The following ANKRD44 variants were observed in gnomAD, a reference collection of about 807,000 sequenced individuals.
ANKRD44 encodes serine/threonine-protein phosphatase 6 regulatory ankyrin repeat subunit B.
ANKRD44 carries 35 observed loss-of-function variants against 116.0 expected under a neutral mutation model. The ratio of observed to expected loss-of-function variants is 0.30; its 90% CI spans 0.23 to 0.40. The LOEUF is 0.40. Among genes scored for constraint, ANKRD44 ranks in the 10% least tolerant of loss-of-function variants. ANKRD44 has a pLI of 1.00. For missense variants in ANKRD44, 1,014 were observed against 1,242.6 expected (o/e 0.82, Z 2.77); for synonymous variants, 435 against 461.8 (o/e 0.94, Z 0.74).
intron 10 of ANKRD44, among the ~76,000 whole-genome samples, chr2:197,093,264 A>C (rs760270508): frequency 1.4e-4 from 21 of 152,198 alleles, no homozygotes; most frequent in Non-Finnish European, 1.5e-4. Context: ...CTCTATAAGA[A>C]ACCAATTGGG....
chr2:197,178,702 A>G (rs1333001895), intron 2 of ANKRD44, among the ~76,000 whole-genome samples: 1 of 152,166 alleles, frequency 6.6e-6, no homozygotes, highest in Non-Finnish European at 1.5e-5. Flanking sequence ...TATCTTTTCT[A>G]TTATGCTTAG....
At position 197,121,421 on chromosome 2, in the gene ANKRD44, A is replaced by G. The variant is rs2078850349; in HGVS notation, c.817T>C (p.Phe273Leu). 1 of 1,614,188 alleles carries G rather than the reference A, an allele frequency of 6.2e-7. No homozygotes were observed. The highest frequency in any genetic ancestry group is 2.2e-5 in the East Asian group (1 of 44,882). ...GCAGCAGCAAAATGCAAAGGGGTGA[A>G]CCCATTATTGTTTGGCTGGTTCACG... ...ANVNQPNNNGFTPLHFAAAST... is the reference protein window; with the variant it reads ...ANVNQPNNNGLTPLHFAAAST... The change falls in exon 8 of 28, where the codon TTC becomes CTC. Residue 273 changes from phenylalanine (F) to leucine (L), a missense_variant. Physicochemically the swap from Phe to Leu is conservative, Grantham distance 22. Transcript: ENST00000282272.
intron 1 of ANKRD44, among the ~76,000 whole-genome samples, chr2:197,276,393 A>G (rs974087673): frequency 2.0e-5 from 3 of 151,926 alleles, no homozygotes; most frequent in Non-Finnish European, 4.4e-5. Context: ...AGACATCTCT[A>G]TAACACACCT....
chr2:197,221,093 A>G (rs2081574974), intron 1 of ANKRD44, among the ~76,000 whole-genome samples: 1 of 152,104 alleles, frequency 6.6e-6, no homozygotes, highest in African/African-American at 2.4e-5. Flanking sequence ...CTACTAAAAA[A>G]TACAAAAACT....
chr2:197,195,137 C>T (rs1224784986), intron 1 of ANKRD44, among the ~76,000 whole-genome samples: 4 of 152,100 alleles, frequency 2.6e-5, no homozygotes, highest in Non-Finnish European at 5.9e-5. Context: ...CACTGTTAAA[C>T]CTGGTGAATT....
intron 1 of ANKRD44, among the ~76,000 whole-genome samples, chr2:197,289,227 C>G (rs1002532773): frequency 2.6e-5 from 4 of 152,120 alleles, no homozygotes; most frequent in Non-Finnish European, 4.4e-5. Flanking sequence ...ACAAACATTA[C>G]TACATAAATA....
rs1295021652 is a variant in ANKRD44 at position 197,025,251 on chromosome 2, T to C, written c.1667A>G (p.Asn556Ser). Residue 556 changes from asparagine to serine, a missense_variant, in exon 17 of 28, where the codon AAC (asparagine) becomes AGC (serine). Physicochemically the swap from Asn to Ser is conservative, Grantham distance 46. Coordinates refer to ENST00000282272, the MANE Select transcript of ANKRD44 (RefSeq NM_001195144.2). ...QCLELLLERT[N>S]SGFEESDSGA... ...AGAATCTGATTCTTCAAATCCACTG[T>C]TTGTTCTTTCCAAAAGCTGTGGAGA... is the stretch of plus-strand genomic sequence containing the variant. 4 of 1,611,486 alleles carry C rather than the reference T, an allele frequency of 2.5e-6. No individual in the cohort carries two copies. Among genetic ancestry groups the C allele is most frequent in the Non-Finnish European group, 3.4e-6 (4 of 1,177,898 alleles).
chr2:197,301,140 A>G (rs970972854), intron 1 of ANKRD44: 2 of 152,204 alleles, frequency 1.3e-5, no homozygotes, highest in African/African-American at 4.8e-5. Flanking sequence ...TCATAAAAAT[A>G]TTAGGATTAA....
At chr2:197,207,115 G>C (rs1224777175) in intron 1 of ANKRD44, among the ~76,000 whole-genome samples, 1 of 152,176 alleles carries the variant, frequency 6.6e-6, no homozygotes, top group Non-Finnish European at 1.5e-5. Context: ...CTCTTCTTGT[G>C]GCATTTGAGA....
intron 1 of ANKRD44, among the ~76,000 whole-genome samples, chr2:197,280,358 C>T (rs746130281): frequency 1.3e-5 from 2 of 152,180 alleles, no homozygotes; most frequent in Non-Finnish European, 2.9e-5. Context: ...TTGCTGAGGT[C>T]GGGAAACTGC....
intron 16 of ANKRD44, among the ~76,000 whole-genome samples, chr2:197,070,229 T>C (rs2077530544): frequency 6.6e-6 from 1 of 152,194 alleles, no homozygotes; most frequent in South Asian, 2.1e-4. Flanking sequence ...GTACACTTTT[T>C]ATTTCCTTTT....
At chr2:197,194,725 T>C (rs2080905753) in intron 1 of ANKRD44, among the ~76,000 whole-genome samples, 2 of 152,194 alleles carry the variant, frequency 1.3e-5, no homozygotes. Context: ...AGTGGCCAAA[T>C]GCATATACAT....
chr2:197,069,442 G>C (rs1416176518), intron 16 of ANKRD44, among the ~76,000 whole-genome samples: 1 of 151,960 alleles, frequency 6.6e-6, no homozygotes, highest in Non-Finnish European at 1.5e-5. Context: ...AGAACTTAAA[G>C]TATAATAAAA....
chr2:197,015,419 C>T, intron 17 of ANKRD44: 2 of 550,178 alleles, frequency 3.6e-6, no homozygotes, highest in Middle Eastern at 6.1e-4. Flanking sequence ...GATCATGCTA[C>T]AGTTGATAAA....
At chr2:197,238,700 C>CT (rs928543019) in intron 1 of ANKRD44, among the ~76,000 whole-genome samples, 29 of 147,432 alleles carry the variant, frequency 2.0e-4, no homozygotes, top group East Asian at 3.9e-4. Context: ...TTCCATCTAT[C>CT]TTTTTTTTTT....
At chr2:197,114,734 A>G (rs1382620729) in intron 8 of ANKRD44, among the ~76,000 whole-genome samples, 2 of 152,186 alleles carry the variant, frequency 1.3e-5, no homozygotes, top group South Asian at 4.2e-4. Flanking sequence ...GAGCAATAAA[A>G]GCTCTATGGG....
intron 4 of ANKRD44, among the ~76,000 whole-genome samples, chr2:197,131,183 T>C (rs945184778): frequency 7.0e-6 from 1 of 143,460 alleles, no homozygotes; most frequent in Non-Finnish European, 1.5e-5. Flanking sequence ...GCCTAGCAGA[T>C]AGTAAGTACT....
Position 197,187,644 on chromosome 2 carries a change from TTCTCTCTCTCTC to T in ANKRD44, c.28-550_28-539del, listed in dbSNP as rs55952976. On this transcript the variant is annotated intron_variant, in intron 1 of 27. Transcript: ENST00000282272. ...AGAGACACCAGAGCTCACGTTCTCA[TTCTCTCTCTCTC>T]TCTCTCTCTCTCTCTCTCTCTCCCT... Among the ~76,000 whole-genome samples the T allele has an allele frequency of 1.5e-4, 20 of 134,736 alleles. 1 individual carries two copies. The highest frequency in any genetic ancestry group is 2.3e-4 in the Admixed American group (3 of 13,248). 88.4% of individuals were successfully genotyped at this position (134,736 alleles called of 152,430 possible).
intron 1 of ANKRD44, among the ~76,000 whole-genome samples, chr2:197,301,636 TTC>T (rs1369598916): frequency 7.9e-5 from 12 of 152,254 alleles, no homozygotes; most frequent in African/African-American, 2.9e-4. Flanking sequence ...ATAGAAGTGT[TTC>T]TCTTTTCTTT....
Sources: gnomAD v4.1 joint callset for allele counts (sites outside exome capture counted in the v4.1 genomes callset) on GRCh38, gnomAD v4.1.1 for gene constraint, MANE v1.5 for transcripts, NCBI Gene and HGNC (gene_info 2026-07-23, HGNC 2026-07-21) for gene names.